The following IL10RB variants were observed in gnomAD, a reference collection of about 807,000 sequenced individuals.
IL10RB encodes interleukin-10 receptor subunit beta.
IL10RB carries 30 observed loss-of-function variants against 38.7 expected under a neutral mutation model. The ratio of observed to expected loss-of-function variants is 0.78; its 90% CI spans 0.58 to 1.05. The LOEUF (loss-of-function observed/expected upper bound fraction) is 1.05. Ranked by LOEUF, IL10RB falls within the 50% of genes least tolerant of loss-of-function variation. The pLI is 0.00. For missense variants in IL10RB, 328 were observed against 397.1 expected (o/e 0.83, Z 1.48); for synonymous variants, 142 against 145.9 (o/e 0.97, Z 0.19).
chr21:33,283,028 T>TG (rs1278157421), intron 4 of IL10RB, 66 bp from the exon 5 acceptor site: 1 of 1,257,182 alleles, frequency 8.0e-7, no homozygotes, highest in African/African-American at 1.6e-5. Flanking sequence ...CTGATAAATG[T>TG]GAAAAAAAAA....
chr21:33,273,568 C>A (rs2123569131), intron 2 of IL10RB, among the ~76,000 whole-genome samples: 1 of 152,288 alleles, frequency 6.6e-6, no homozygotes, highest in Admixed American at 6.5e-5. Flanking sequence ...GTGACAATTT[C>A]TTGAAATAAG....
intron 1 of IL10RB, among the ~76,000 whole-genome samples, chr21:33,267,556 C>T (rs1178152924): frequency 1.4e-5 from 2 of 143,628 alleles, no homozygotes; most frequent in African/African-American, 5.3e-5. Flanking sequence ...GTTGCTGTGG[C>T]CCAGGCTGGA....
chr21:33,266,433 T>G lies in IL10RB; in HGVS notation c.-33T>G, dbSNP rs750692003. The G allele has an allele frequency of 5.0e-5, 77 of 1,539,304 alleles. 3 individuals carry two copies. In the South Asian group the frequency reaches 9.1e-4, roughly 18 times the overall value. On this transcript the variant is annotated 5_prime_UTR_variant, in exon 1 of 7. Transcript: ENST00000290200. ...CGGGCGCGGGCGGGGGTCGTGTGCT[T>G]GGAGGAAGCCGCGGAACCCCCAGCG...
intron 2 of IL10RB, 148 bp from the exon 3 acceptor site, chr21:33,276,448 T>C (rs1989172057): frequency 1.5e-6 from 1 of 686,294 alleles, no homozygotes; most frequent in Non-Finnish European, 2.7e-6. Flanking sequence ...TTCAAGTCTC[T>C]GAGAAGTTCT....
intron 6 of IL10RB, among the ~76,000 whole-genome samples, chr21:33,292,465 CAG>C (rs1411063048): frequency 1.3e-5 from 2 of 152,160 alleles, no homozygotes; most frequent in East Asian, 1.9e-4. Flanking sequence ...CACGGTGCGA[CAG>C]GGGTAGAGGG....
At chr21:33,289,215 G>A (rs1295533821) in intron 6 of IL10RB, among the ~76,000 whole-genome samples, 1 of 152,226 alleles carries the variant, frequency 6.6e-6, no homozygotes, top group Non-Finnish European at 1.5e-5. Context: ...GCAGCAGCCA[G>A]GAGCTAGGAG....
chr21:33,267,493 T>G (rs79420231), intron 1 of IL10RB, among the ~76,000 whole-genome samples: 1 of 145,576 alleles, frequency 6.9e-6, no homozygotes, highest in Non-Finnish European at 1.5e-5. Context: ...TTTTTTTTTT[T>G]GTTTGTTTGT....
In IL10RB at chr21:33,283,193, A is replaced by G. The variant is rs561783785; in HGVS notation, c.598A>G (p.Lys200Glu). 2.5e-6 allele frequency: 4 copies of G among 1,614,158 alleles called. No homozygotes were observed. The highest frequency in any genetic ancestry group is 3.3e-5 in the Admixed American group (2 of 60,022). The change falls in exon 5 of 7, where the codon AAA (lysine) becomes GAA (glutamate). Residue 200 changes from lysine to glutamate, a missense_variant. Coordinates refer to ENST00000290200, the MANE Select transcript of IL10RB (RefSeq NM_000628.5). ...QVRGFLPDRN[K>E]AGEWSEPVCE... ...TCGAGGGTTTCTTCCTGATCGGAAC[A>G]AAGCTGGGGAATGGAGTGAGCCTGT...
chr21:33,288,154 A>G lies in IL10RB; in HGVS notation c.697A>G (p.Met233Val). ...VAVILMASVF[M>V]VCLALLGCFA... ...CGTCATCCTCATGGCCTCGGTCTTC[A>G]TGGTCTGCCTGGCACTCCTCGGCTG... Residue 233 changes from methionine (M) to valine (V), a missense_variant, in exon 6 of 7, where the codon ATG becomes GTG. Met to Val is a conservative substitution (Grantham distance 21). Coordinates refer to ENST00000290200, the MANE Select transcript of IL10RB (RefSeq NM_000628.5). 7 of 1,614,058 alleles carry G rather than the reference A, an allele frequency of 4.3e-6. No homozygotes were observed. The highest frequency in any genetic ancestry group is 5.9e-6 in the Non-Finnish European group (7 of 1,180,006).
chr21:33,271,126 A>G (rs2123565506), intron 2 of IL10RB, among the ~76,000 whole-genome samples: 1 of 152,312 alleles, frequency 6.6e-6, no homozygotes, highest in South Asian at 2.1e-4. Context: ...CAGAGTGAGT[A>G]TGGCATGTGC....
intron 1 of IL10RB, 98 bp downstream of exon 1, chr21:33,266,612 G>A (rs577419575): frequency 8.1e-7 from 1 of 1,228,596 alleles, no homozygotes; most frequent in Admixed American, 2.1e-5. Context: ...AGTGACTTAA[G>A]AGCCTTCGGG....
intron 6 of IL10RB, 109 bp downstream of exon 6, chr21:33,288,370 C>T: frequency 1.4e-6 from 1 of 731,034 alleles, no homozygotes; most frequent in Middle Eastern, 2.4e-4. Context: ...GGAAAACACA[C>T]ACGCGCGCGC....
chr21:33,297,439 A>G (rs1458779828), downstream of IL10RB, among the ~76,000 whole-genome samples: 1 of 152,022 alleles, frequency 6.6e-6, no homozygotes, highest in Admixed American at 6.6e-5. Flanking sequence ...TTAAAAAAAA[A>G]AAAACCTAGA....
intron 2 of IL10RB, among the ~76,000 whole-genome samples, chr21:33,269,022 C>G (rs954795220): frequency 6.6e-6 from 1 of 152,150 alleles, no homozygotes; most frequent in Non-Finnish European, 1.5e-5. Flanking sequence ...ACATCATGCC[C>G]CAGTGCCATG....
At chr21:33,275,152 C>CTTTTTT (rs71320298) in intron 2 of IL10RB, among the ~76,000 whole-genome samples, 122 of 102,244 alleles carry the variant, frequency 1.2e-3, no homozygotes, top group Non-Finnish European at 1.5e-3. Flanking sequence ...TCCAACTTTT[C>CTTTTTT]TTTTTTTTTT....
At chr21:33,302,146 C>G (rs2082987497), downstream of IL10RB, among the ~76,000 whole-genome samples, 1 of 152,238 alleles carries the variant, frequency 6.6e-6, no homozygotes, top group Non-Finnish European at 1.5e-5. Context: ...AGGATGCCTC[C>G]TCCAGCCAAC....
chr21:33,296,340 CA>C lies in IL10RB; in HGVS notation c.962del (p.Gln321ArgfsTer8). On this transcript the variant is annotated frameshift_variant, in exon 7 of 7. Coordinates refer to ENST00000290200, the MANE Select transcript of IL10RB (RefSeq NM_000628.5). LOFTEE classifies it high-confidence loss of function. ...CTGCAGCCTCGGGACCCCGCCTGGGCAGGGGCCCCAAAGCTAGGCTCTGAGA... is the reference window on the plus strand; with the variant it reads ...CTGCAGCCTCGGGACCCCGCCTGGGCGGGGCCCCAAAGCTAGGCTCTGAGA... The part of the protein sequence containing the change: ...DSCSLGTPPG[Q>X]GPQS 2 of 1,613,584 alleles carry C rather than the reference CA, an allele frequency of 1.2e-6. No individual in the cohort carries two copies. The highest frequency in any genetic ancestry group is 1.1e-5 in the South Asian group (1 of 90,902).
intron 1 of IL10RB, among the ~76,000 whole-genome samples, chr21:33,307,817 C>G (rs1331885260): frequency 6.6e-6 from 1 of 152,152 alleles, no homozygotes; most frequent in Non-Finnish European, 1.5e-5. Context: ...TATTTCGATT[C>G]AATTCAACAA....
intron 3 of IL10RB, among the ~76,000 whole-genome samples, chr21:33,277,980 C>CAGGAATTTA (rs1351322616): frequency 7.0e-6 from 1 of 143,692 alleles, no homozygotes; most frequent in African/African-American, 2.6e-5. Context: ...TCCTTGAGCC[C>CAGGAATTTA]AGGAATTTAA....
Sources: allele counts gnomAD v4.1 joint callset (sites outside exome capture counted in the v4.1 genomes callset), GRCh38; gene constraint gnomAD v4.1.1; transcripts MANE v1.5; gene names NCBI Gene and HGNC (gene_info 2026-07-23, HGNC 2026-07-21).